The following PUM1 variants were observed in gnomAD, a reference collection of about 807,000 sequenced individuals.
PUM1 encodes the protein pumilio homolog 1.
PUM1 carries 13 observed loss-of-function variants against 131.8 expected under a neutral mutation model. The observed-to-expected ratio is 0.10, with a 90% CI of 0.06 to 0.16. PUM1 has a LOEUF of 0.16. Among genes scored for constraint, PUM1 ranks in the 10% least tolerant of loss-of-function variants. PUM1 has a pLI of 1.00. For synonymous variants in PUM1, 509 were observed against 556.5 expected (o/e 0.91, Z 1.20); for missense variants, 961 against 1,512.4 (o/e 0.64, Z 6.05).
At chr1:30,961,049 C>G (rs139309197) in intron 14 of PUM1, among the ~76,000 whole-genome samples, 1 of 151,674 alleles carries the variant, frequency 6.6e-6, no homozygotes, top group African/African-American at 2.4e-5. Flanking sequence ...AAAAAATTAG[C>G]TGGGCATGGT....
At chr1:30,939,293 C>T (rs992614884) in intron 20 of PUM1, among the ~76,000 whole-genome samples, 1 of 152,214 alleles carries the variant, frequency 6.6e-6, no homozygotes, top group African/African-American at 2.4e-5. Flanking sequence ...TTCTCCCATA[C>T]AGTAAGCAGC....
intron 3 of PUM1, among the ~76,000 whole-genome samples, chr1:31,019,342 A>C (rs1326945301): frequency 6.6e-6 from 1 of 152,172 alleles, no homozygotes; most frequent in East Asian, 1.9e-4. Context: ...ACAGGGCAAG[A>C]CTCTGTTTCA....
At chr1:30,967,132 A>G (rs1570152036) in intron 12 of PUM1, 35 bp downstream of exon 12, 8 of 1,607,490 alleles carry the variant, frequency 5.0e-6, no homozygotes, top group Non-Finnish European at 6.0e-6. Flanking sequence ...CCACTTTTAG[A>G]TCTCTGGCAG....
In PUM1 at chr1:31,058,565, G is replaced by C. The variant is rs146739486; in HGVS notation, c.363+639C>G. ...TAGTCCCAGCTACTCGGGAGGCTGA[G>C]GCAGGAGAATGGCATGAACCTGGGA... is the stretch of plus-strand genomic sequence containing the variant. On this transcript the variant is annotated intron_variant, in intron 2 of 21. Transcript: ENST00000426105. 8.3e-3 allele frequency among the ~76,000 whole-genome samples: 1,268 copies of C among 152,092 alleles called. 22 individuals are homozygous for C. The highest frequency in any genetic ancestry group is 0.028 in the African/African-American group (1,177 of 41,486).
intron 2 of PUM1, among the ~76,000 whole-genome samples, chr1:31,043,163 G>A (rs567308129): frequency 6.6e-6 from 1 of 152,146 alleles, no homozygotes; most frequent in African/African-American, 2.4e-5. Flanking sequence ...ACAACTGGGT[G>A]GGGGAAGCAA....
chr1:30,983,203 C>T (rs1229660017), intron 7 of PUM1, among the ~76,000 whole-genome samples: 1 of 152,226 alleles, frequency 6.6e-6, no homozygotes, highest in Non-Finnish European at 1.5e-5. Flanking sequence ...GGAGGCAGTC[C>T]ACCCAAGAGG....
intron 18 of PUM1, 106 bp from the exon 19 acceptor site, chr1:30,942,229 ATATATATGTAT>A: frequency 6.7e-6 from 1 of 149,790 alleles, no homozygotes; most frequent in South Asian, 2.2e-4. Flanking sequence ...ATATATATAT[ATATATATGTAT>A]TATCCCACTA....
chr1:30,954,446 T>C (rs1177470740), intron 14 of PUM1, among the ~76,000 whole-genome samples: 1 of 152,184 alleles, frequency 6.6e-6, no homozygotes, highest in African/African-American at 2.4e-5. Context: ...GGCATCCAGA[T>C]TGGTCTGTTT....
At chr1:30,975,874 G>GGA (rs1448147743) in intron 9 of PUM1, among the ~76,000 whole-genome samples, 3 of 151,996 alleles carry the variant, frequency 2.0e-5, no homozygotes, top group Admixed American at 6.6e-5. Flanking sequence ...TTTGAGGTCA[G>GGA]GAGTTCGAGA....
At chr1:30,989,449 G>GT (rs1641693280) in intron 7 of PUM1, among the ~76,000 whole-genome samples, 3 of 151,900 alleles carry the variant, frequency 2.0e-5, no homozygotes, top group African/African-American at 7.2e-5. Flanking sequence ...GTGGGTGTCT[G>GT]TAGTCCCAGC....
intron 16 of PUM1, 86 bp downstream of exon 16, chr1:30,952,148 G>C: frequency 1.5e-6 from 2 of 1,323,798 alleles, no homozygotes; most frequent in Non-Finnish European, 2.2e-6. Context: ...GACTGGAATG[G>C]GACTGCTATG....
chr1:30,990,029 AG>A (rs1641726702), intron 7 of PUM1, among the ~76,000 whole-genome samples: 1 of 152,234 alleles, frequency 6.6e-6, no homozygotes, highest in Non-Finnish European at 1.5e-5. Flanking sequence ...TATACAGCAT[AG>A]TTATTTGTAT....
At chr1:30,990,899 A>G (rs578081230) in intron 7 of PUM1, among the ~76,000 whole-genome samples, 1 of 152,336 alleles carries the variant, frequency 6.6e-6, no homozygotes, top group East Asian at 1.9e-4. Context: ...ATTTTTGAAT[A>G]AGTGGTAGCT....
intron 20 of PUM1, among the ~76,000 whole-genome samples, chr1:30,937,429 C>G (rs959560102): frequency 4.6e-5 from 7 of 152,068 alleles, no homozygotes; most frequent in South Asian, 2.1e-4. Flanking sequence ...TTGCTTGAAT[C>G]GGGAGGCGGA....
intron 9 of PUM1, among the ~76,000 whole-genome samples, chr1:30,976,276 G>T (rs1322214103): frequency 1.3e-5 from 2 of 152,174 alleles, no homozygotes; most frequent in Non-Finnish European, 2.9e-5. Context: ...CTGGTAGCAA[G>T]AAACACCAAA....
chr1:31,055,338 C>T (rs905972593), intron 2 of PUM1: 9 of 456,216 alleles, frequency 2.0e-5, no homozygotes, highest in African/African-American at 1.2e-4. Flanking sequence ...AAGAACCTCT[C>T]GTCTTCCCTC....
intron 5 of PUM1, among the ~76,000 whole-genome samples, chr1:30,998,043 G>A (rs1445754809): frequency 6.6e-6 from 1 of 152,158 alleles, no homozygotes; most frequent in African/African-American, 2.4e-5. Context: ...AGCTATTGAT[G>A]CCTAACCAAA....
chr1:31,027,148 T>A (rs919152438), intron 3 of PUM1, among the ~76,000 whole-genome samples: 6 of 152,238 alleles, frequency 3.9e-5, no homozygotes, highest in Admixed American at 6.5e-5. Flanking sequence ...ATTAATTTTT[T>A]AAAAATAAAA....
At position 30,931,975 on chromosome 1, in the gene PUM1, C is replaced by A. The variant is rs1368004513; in HGVS notation, c.*1236G>T. On this transcript the variant is annotated 3_prime_UTR_variant, in exon 22 of 22. Coordinates refer to ENST00000426105, the MANE Select transcript of PUM1 (RefSeq NM_001020658.2). ...TGAATAACATTTAGAAAGAATCTCG[C>A]TATACTTGAGACTAGATGACAAATA... 2 of 152,622 alleles carry A rather than the reference C, an allele frequency of 1.3e-5. No homozygotes were observed. Among genetic ancestry groups the A allele is most frequent in the African/African-American group, 4.8e-5 (2 of 41,530 alleles). 9.5% of individuals were successfully genotyped at this position (152,622 alleles called of 1,614,324 possible). A position where few individuals can be genotyped will look rare whatever the true frequency, so the allele number is the denominator to read the frequency against.
Sources: allele counts gnomAD v4.1 joint callset (sites outside exome capture counted in the v4.1 genomes callset), GRCh38; gene constraint gnomAD v4.1.1; transcripts MANE v1.5; gene names NCBI Gene and HGNC (gene_info 2026-07-23, HGNC 2026-07-21).